Variants in CTNNA2 observed in about 807,000 individuals in gnomAD.
CTNNA2 encodes the protein catenin alpha-2.
A neutral mutation model predicts 101.0 loss-of-function variants in CTNNA2; 42 were observed. The observed-to-expected ratio is 0.42, with a 90% confidence interval of 0.32 to 0.54. The LOEUF (loss-of-function observed/expected upper bound fraction) is 0.54, where lower values mean the gene tolerates loss of function less well. CTNNA2 is among the 20% of genes least tolerant of loss of function. The pLI is 0.14. For synonymous variants in CTNNA2, 450 were observed against 456.4 expected (o/e 0.99, Z 0.18); for missense variants, 871 against 1,223.1 (o/e 0.71, Z 4.29).
intron 7 of CTNNA2, among the ~76,000 whole-genome samples, chr2:80,050,757 G>A (rs1164503824): frequency 3.3e-5 from 5 of 152,200 alleles, no homozygotes; most frequent in African/African-American, 1.2e-4. Flanking sequence ...CTGCAGTGCA[G>A]TGGTACAATC....
At chr2:79,495,458 T>C (rs1043930100) in intron 4 of CTNNA2, among the ~76,000 whole-genome samples, 2 of 152,014 alleles carry the variant, frequency 1.3e-5, no homozygotes, top group Non-Finnish European at 2.9e-5. Flanking sequence ...TAATCAAAAA[T>C]AAAAATAATA....
intron 9 of CTNNA2, among the ~76,000 whole-genome samples, chr2:80,456,557 C>T (rs1389428315): frequency 6.6e-6 from 1 of 152,184 alleles, no homozygotes; most frequent in African/African-American, 2.4e-5. Flanking sequence ...CACCACCATA[C>T]AATTGTCTTT....
intron 4 of CTNNA2, among the ~76,000 whole-genome samples, chr2:79,459,883 T>C (rs1206313761): frequency 6.6e-6 from 1 of 152,214 alleles, no homozygotes; most frequent in Non-Finnish European, 1.5e-5. Flanking sequence ...TCCTTTATTA[T>C]TAGCCTTTTT....
At chr2:79,972,334 C>G (rs1267932708) in intron 7 of CTNNA2, among the ~76,000 whole-genome samples, 1 of 152,168 alleles carries the variant, frequency 6.6e-6, no homozygotes, top group Non-Finnish European at 1.5e-5. Context: ...GAAATTCAAA[C>G]AGAAACCAAA....
At chr2:79,980,820 A>G (rs183659039) in intron 7 of CTNNA2, among the ~76,000 whole-genome samples, 15 of 152,312 alleles carry the variant, frequency 9.8e-5, no homozygotes, top group African/African-American at 3.4e-4. Flanking sequence ...TTGTAGTCAC[A>G]CTTTAGTAAA....
chr2:79,531,166 G>C (rs1206203616), intron 1 of CTNNA2, among the ~76,000 whole-genome samples: 2 of 131,610 alleles, frequency 1.5e-5, no homozygotes, highest in African/African-American at 5.6e-5. Flanking sequence ...GCCACCACTA[G>C]TTTTTATTTA....
intron 2 of CTNNA2, among the ~76,000 whole-genome samples, chr2:79,199,269 T>C (rs1002133568): frequency 6.6e-6 from 1 of 152,186 alleles, no homozygotes; most frequent in Non-Finnish European, 1.5e-5. Flanking sequence ...ACCACCCCTC[T>C]CTACTAATAG....
intron 4 of CTNNA2, among the ~76,000 whole-genome samples, chr2:79,449,935 C>T (rs577838885): frequency 3.3e-5 from 5 of 152,050 alleles, no homozygotes; most frequent in Admixed American, 1.3e-4. Context: ...TTATGTGTGC[C>T]GTTACTCCAA....
chr2:80,528,702 A>T (rs1181418739), intron 9 of CTNNA2, among the ~76,000 whole-genome samples: 1 of 151,960 alleles, frequency 6.6e-6, no homozygotes, highest in Non-Finnish European at 1.5e-5. Context: ...TAAATAAATA[A>T]AAATAAAAAT....
intron 9 of CTNNA2, among the ~76,000 whole-genome samples, chr2:80,463,240 T>C (rs1684595594): frequency 6.6e-6 from 1 of 152,198 alleles, no homozygotes; most frequent in Non-Finnish European, 1.5e-5. Context: ...GTCCTTGTTT[T>C]CTTCACTTCT....
At chr2:79,715,248 A>G (rs1686014944) in intron 2 of CTNNA2, among the ~76,000 whole-genome samples, 1 of 150,514 alleles carries the variant, frequency 6.6e-6, no homozygotes, top group African/African-American at 2.4e-5. Flanking sequence ...GGAAGAGTTA[A>G]GGATCTAGGG....
chr2:80,339,660 T>C (rs910806761), intron 7 of CTNNA2, among the ~76,000 whole-genome samples: 1 of 152,174 alleles, frequency 6.6e-6, no homozygotes, highest in Admixed American at 6.5e-5. Context: ...GGTTTGGTGC[T>C]ACTGGAGACT....
intron 7 of CTNNA2, among the ~76,000 whole-genome samples, chr2:80,265,116 A>G (rs1672906449): frequency 6.6e-6 from 1 of 151,664 alleles, no homozygotes; most frequent in African/African-American, 2.4e-5. Context: ...CTGGGATTAC[A>G]GGCGCCCACC....
intron 7 of CTNNA2, among the ~76,000 whole-genome samples, chr2:80,306,416 C>CT (rs1439379550): frequency 2.2e-5 from 3 of 136,946 alleles, no homozygotes; most frequent in Non-Finnish European, 4.7e-5. Context: ...TTCTTTCTTT[C>CT]TTTCTTTCTT....
At chr2:79,528,191 G>C (rs547537631) in intron 1 of CTNNA2, among the ~76,000 whole-genome samples, 1 of 124,574 alleles carries the variant, frequency 8.0e-6, no homozygotes, top group Non-Finnish European at 1.8e-5. Flanking sequence ...ATGGGTACAC[G>C]TTCTCTTTTT....
At chr2:80,641,103 A>G (rs1673425360) in intron 18 of CTNNA2, among the ~76,000 whole-genome samples, 1 of 152,212 alleles carries the variant, frequency 6.6e-6, no homozygotes, top group Non-Finnish European at 1.5e-5. Flanking sequence ...GCTCTGACTT[A>G]CAAAAATGAA....
intron 2 of CTNNA2, among the ~76,000 whole-genome samples, chr2:79,252,026 A>G (rs1674780088): frequency 6.6e-6 from 1 of 152,204 alleles, no homozygotes; most frequent in Admixed American, 6.5e-5. Flanking sequence ...CAGAGAATAG[A>G]TATCAAGAAT....
Position 80,344,120 on chromosome 2 carries a change from C to T in CTNNA2, c.1057-49091C>T, listed in dbSNP as rs147339037. On this transcript the variant is annotated intron_variant, in intron 7 of 18. Transcript: ENST00000402739. Reference sequence around the variant, plus strand: ...TCTCAGCCCACCTCTTACTCACTATCAGCAGCTTGGGCACACTTGATCCTT... The same window carrying T: ...TCTCAGCCCACCTCTTACTCACTATTAGCAGCTTGGGCACACTTGATCCTT... Among the ~76,000 whole-genome samples, 13 of 152,266 alleles carry T rather than the reference C, an allele frequency of 8.5e-5. No individual in the cohort carries two copies. In the East Asian group the frequency reaches 2.5e-3, roughly 30 times the overall value.
At chr2:79,833,051 G>T (rs912534205) in intron 3 of CTNNA2, among the ~76,000 whole-genome samples, 1 of 152,148 alleles carries the variant, frequency 6.6e-6, no homozygotes, top group African/African-American at 2.4e-5. Flanking sequence ...TATAAATTAG[G>T]AGGCTCACCA....
Sources: gnomAD v4.1 joint callset for allele counts (sites outside exome capture counted in the v4.1 genomes callset) on GRCh38, gnomAD v4.1.1 for gene constraint, MANE v1.5 for transcripts, NCBI Gene and HGNC (gene_info 2026-07-23, HGNC 2026-07-21) for gene names.